Variants in LAMA2 observed in about 807,000 individuals in gnomAD.
LAMA2 encodes the protein laminin subunit alpha-2.
In LAMA2, 269 loss-of-function variants were observed where a neutral mutation model predicts 364.8. The observed-to-expected ratio is 0.74, with a 90% CI of 0.67 to 0.82. The LOEUF (loss-of-function observed/expected upper bound fraction) is 0.82, where lower values mean the gene tolerates loss of function less well. LAMA2 is among the 40% of genes least tolerant of loss of function. LAMA2 has a pLI of 0.00. For missense variants in LAMA2, 3,807 were observed against 3,873.2 expected, an observed-to-expected ratio of 0.98 and a Z score of 0.45; for synonymous variants, 1,379 against 1,370.6, an observed-to-expected ratio of 1.01 and a Z score of -0.14.
intron 1 of LAMA2, among the ~76,000 whole-genome samples, chr6:128,968,271 T>G (rs1187375862): frequency 6.6e-6 from 1 of 152,194 alleles, no homozygotes; most frequent in Non-Finnish European, 1.5e-5. Flanking sequence ...TGTCTAACAC[T>G]TATTCATGTC....
intron 15 of LAMA2, among the ~76,000 whole-genome samples, chr6:129,266,580 A>G (rs930307722): frequency 1.3e-5 from 2 of 152,136 alleles, no homozygotes; most frequent in Non-Finnish European, 2.9e-5. Context: ...ATGTGGTCAA[A>G]TATAAGTGTG....
chr6:129,253,566 G>A (rs755821302), intron 14 of LAMA2, among the ~76,000 whole-genome samples: 1 of 152,228 alleles, frequency 6.6e-6, no homozygotes, highest in Non-Finnish European at 1.5e-5. Flanking sequence ...ATGAGAAGCA[G>A]CACTTAGGAA....
At chr6:129,083,018 A>G (rs1001948772) in intron 3 of LAMA2, among the ~76,000 whole-genome samples, 20 of 151,940 alleles carry the variant, frequency 1.3e-4, no homozygotes, top group Non-Finnish European at 2.8e-4. Context: ...TTTTTATCTT[A>G]TAAAAAATAG....
At chr6:129,134,391 A>C (rs1777665330) in intron 4 of LAMA2, among the ~76,000 whole-genome samples, 1 of 152,258 alleles carries the variant, frequency 6.6e-6, no homozygotes, top group South Asian at 2.1e-4. Flanking sequence ...AAAGTACTTA[A>C]GTACTAAACC....
chr6:129,167,606 A>C (rs1023465519), intron 9 of LAMA2, among the ~76,000 whole-genome samples: 13 of 152,080 alleles, frequency 8.5e-5, no homozygotes, highest in Middle Eastern at 6.8e-3. Context: ...ATTGTGGATA[A>C]TGCCGCAATA....
chr6:128,949,428 C>T (rs1467720393), intron 1 of LAMA2, among the ~76,000 whole-genome samples: 1 of 150,778 alleles, frequency 6.6e-6, no homozygotes, highest in Non-Finnish European at 1.5e-5. Flanking sequence ...TTAACCCTAT[C>T]GAAGGTCAGA....
chr6:129,503,015 C>A (rs41285290), intron 59 of LAMA2, 76 bp from the exon 60 acceptor site: 4 of 1,361,492 alleles, frequency 2.9e-6, no homozygotes, highest in South Asian at 1.2e-5. Context: ...AATGCAGCCA[C>A]GATCTGATAC....
chr6:129,309,517 T>G (rs1774079227), intron 22 of LAMA2, among the ~76,000 whole-genome samples: 1 of 152,264 alleles, frequency 6.6e-6, no homozygotes, highest in Admixed American at 6.5e-5. Flanking sequence ...ACAGGATAAT[T>G]TAAATTTATT....
At chr6:129,293,170 G>A in intron 20 of LAMA2, 1 of 765,268 alleles carries the variant, frequency 1.3e-6, no homozygotes. Flanking sequence ...GTTGCTAAGT[G>A]TGCAAATTGC....
intron 1 of LAMA2, among the ~76,000 whole-genome samples, chr6:128,982,039 T>C (rs1376897340): frequency 6.6e-6 from 1 of 152,178 alleles, no homozygotes; most frequent in East Asian, 1.9e-4. Flanking sequence ...TCTTCTTTAC[T>C]GCATTGCTCC....
At chr6:128,951,052 A>C (rs1644033505) in intron 1 of LAMA2, among the ~76,000 whole-genome samples, 1 of 152,098 alleles carries the variant, frequency 6.6e-6, no homozygotes, top group Non-Finnish European at 1.5e-5. Context: ...CTAGTCACAT[A>C]ATATTTGAGA....
At chr6:129,464,030 C>T (rs1231417573) in intron 49 of LAMA2, among the ~76,000 whole-genome samples, 2 of 151,904 alleles carry the variant, frequency 1.3e-5, no homozygotes, top group Admixed American at 6.6e-5. Flanking sequence ...CTATCTACTA[C>T]CAAGTGCTTT....
chr6:129,210,402 GCACACACA>G (rs57169956), intron 12 of LAMA2, among the ~76,000 whole-genome samples: 1 of 150,076 alleles, frequency 6.7e-6, no homozygotes, highest in Non-Finnish European at 1.5e-5. Flanking sequence ...GCATGTGCAC[GCACACACA>G]CACACACACA....
intron 14 of LAMA2, among the ~76,000 whole-genome samples, chr6:129,258,327 C>T (rs186400283): frequency 3.6e-4 from 55 of 151,930 alleles, no homozygotes; most frequent in African/African-American, 1.2e-3. Flanking sequence ...TATGATAGCT[C>T]GAAGGTAGAA....
intron 12 of LAMA2, among the ~76,000 whole-genome samples, chr6:129,210,024 A>AAAAAT (rs200129656): frequency 6.9e-6 from 1 of 145,240 alleles, no homozygotes; most frequent in Non-Finnish European, 1.5e-5. Flanking sequence ...AAAAAAAAAA[A>AAAAAT]ATTTTTACTA....
At chr6:128,944,839 A>G (rs1430029648) in intron 1 of LAMA2, among the ~76,000 whole-genome samples, 1 of 152,106 alleles carries the variant, frequency 6.6e-6, no homozygotes, top group Admixed American at 6.6e-5. Context: ...ATACTTTAAA[A>G]TGACCTCATG....
chr6:129,080,365 G>A (rs1175980301), intron 3 of LAMA2, among the ~76,000 whole-genome samples: 2 of 152,096 alleles, frequency 1.3e-5, no homozygotes, highest in African/African-American at 4.8e-5. Context: ...ATATATAATT[G>A]TGAGAATCTC....
chr6:129,454,052 T>C (rs1460644925), intron 46 of LAMA2, 103 bp from the exon 47 acceptor site: 1 of 835,660 alleles, frequency 1.2e-6, no homozygotes, highest in African/African-American at 1.7e-5. Context: ...CCTAATCATT[T>C]CACATGTCTG....
At chr6:129,227,772 C>G (rs1784409379) in intron 12 of LAMA2, among the ~76,000 whole-genome samples, 1 of 152,174 alleles carries the variant, frequency 6.6e-6, no homozygotes, top group Non-Finnish European at 1.5e-5. Flanking sequence ...CTATTCAGGG[C>G]TCAGGGATCC....
Sources: allele counts gnomAD v4.1 joint callset (sites outside exome capture counted in the v4.1 genomes callset), GRCh38; gene constraint gnomAD v4.1.1; transcripts MANE v1.5; gene names NCBI Gene and HGNC (gene_info 2026-07-23, HGNC 2026-07-21).